Variants in CTNNA3 observed in about 807,000 individuals in gnomAD.
CTNNA3 encodes catenin alpha-3.
Under a neutral mutation model 95.7 loss-of-function variants are expected in CTNNA3, and 76 were observed. That is an observed-to-expected ratio of 0.79 (90% CI 0.66 to 0.96). CTNNA3 has a LOEUF of 0.96. CTNNA3 is among the 40% of genes least tolerant of loss of function. CTNNA3 has a pLI of 0.00. For missense variants in CTNNA3, 1,191 were observed against 1,089.8 expected, an observed-to-expected ratio of 1.09 and a Z score of -1.31; for synonymous variants, 431 against 374.4, an observed-to-expected ratio of 1.15 and a Z score of -1.74.
chr10:66,712,104 T>C (rs1589156384), intron 9 of CTNNA3, among the ~76,000 whole-genome samples: 2 of 151,992 alleles, frequency 1.3e-5, no homozygotes, highest in East Asian at 3.9e-4. Flanking sequence ...GCCAATGGAG[T>C]TGTTTATATC....
chr10:67,719,243 A>G (rs1294394879), intron 1 of CTNNA3, among the ~76,000 whole-genome samples: 1 of 151,894 alleles, frequency 6.6e-6, no homozygotes, highest in Non-Finnish European at 1.5e-5. Context: ...ATCTTTAAAA[A>G]AAAACAGTTC....
At chr10:67,398,536 T>G (rs1162744784) in intron 5 of CTNNA3, among the ~76,000 whole-genome samples, 1 of 152,182 alleles carries the variant, frequency 6.6e-6, no homozygotes, top group African/African-American at 2.4e-5. Context: ...CTTGTACTTT[T>G]GGGTTAATGC....
chr10:66,550,914 T>G (rs1842195881), intron 10 of CTNNA3, among the ~76,000 whole-genome samples: 1 of 152,132 alleles, frequency 6.6e-6, no homozygotes, highest in South Asian at 2.1e-4. Context: ...AACGTAGAAA[T>G]GCTGCTACTT....
intron 2 of CTNNA3, 47 bp from the exon 3 acceptor site, chr10:67,607,096 G>A (rs1214506850): frequency 3.5e-6 from 5 of 1,423,200 alleles, no homozygotes; most frequent in Non-Finnish European, 4.9e-6. Context: ...ATTGTAAGGA[G>A]AACACAGTCC....
At chr10:66,490,477 A>G (rs189553648) in intron 11 of CTNNA3, among the ~76,000 whole-genome samples, 155 of 152,348 alleles carry the variant, frequency 1.0e-3, no homozygotes, top group African/African-American at 3.5e-3. Flanking sequence ...CTATTTAAAG[A>G]TAGTGTAAGC....
intron 7 of CTNNA3, among the ~76,000 whole-genome samples, chr10:66,921,321 T>C (rs1404251931): frequency 6.6e-6 from 1 of 152,210 alleles, no homozygotes. Flanking sequence ...AATTGGGGTT[T>C]CAATATATGG....
chr10:67,698,411 G>A (rs908418914), upstream of CTNNA3, among the ~76,000 whole-genome samples: 8 of 152,296 alleles, frequency 5.3e-5, no homozygotes, highest in East Asian at 1.9e-4. Flanking sequence ...TGTGTTAGGC[G>A]CCAGCTAGAA....
intron 13 of CTNNA3, among the ~76,000 whole-genome samples, chr10:66,225,390 AATATATATATATATATAT>A (rs3053735): frequency 2.4e-5 from 3 of 125,980 alleles, no homozygotes; most frequent in South Asian, 2.6e-4. Context: ...ATTTTATTCA[AATATATATATATATATAT>A]ATATATATAT....
intron 13 of CTNNA3, among the ~76,000 whole-genome samples, chr10:66,138,718 G>T (rs922159010): frequency 1.3e-5 from 2 of 152,092 alleles, no homozygotes; most frequent in African/African-American, 4.8e-5. Flanking sequence ...AATCAGCCAG[G>T]TGTGGTGGCA....
At chr10:65,925,625 CG>C (rs1298899268) in intron 17 of CTNNA3, among the ~76,000 whole-genome samples, 1 of 151,990 alleles carries the variant, frequency 6.6e-6, no homozygotes, top group Non-Finnish European at 1.5e-5. Context: ...TTAGTAGAGA[CG>C]GGTTTTCACC....
chr10:66,891,243 A>C (rs933944443), intron 7 of CTNNA3, among the ~76,000 whole-genome samples: 11 of 152,184 alleles, frequency 7.2e-5, no homozygotes, highest in African/African-American at 2.7e-4. Flanking sequence ...TTTACATATT[A>C]AGGTGAATCA....
chr10:66,888,680 C>T (rs560128661), intron 7 of CTNNA3, among the ~76,000 whole-genome samples: 5 of 152,100 alleles, frequency 3.3e-5, no homozygotes, highest in Non-Finnish European at 5.9e-5. Context: ...TACCACTACA[C>T]ACCTATTAGA....
chr10:67,282,751 T>C (rs1839448528), intron 5 of CTNNA3, among the ~76,000 whole-genome samples: 1 of 152,196 alleles, frequency 6.6e-6, no homozygotes, highest in South Asian at 2.1e-4. Flanking sequence ...GACTACTGAC[T>C]TTCAAGATTG....
chr10:65,922,391 T>C (rs2077101601), intron 17 of CTNNA3, among the ~76,000 whole-genome samples: 1 of 152,178 alleles, frequency 6.6e-6, no homozygotes, highest in African/African-American at 2.4e-5. Context: ...TTCCAAGTTG[T>C]GTTTCTTTGG....
intron 1 of CTNNA3, among the ~76,000 whole-genome samples, chr10:67,712,879 G>A (rs959298218): frequency 6.6e-6 from 1 of 152,030 alleles, no homozygotes; most frequent in African/African-American, 2.4e-5. Context: ...CATGAGCAAA[G>A]ACCTCATGAC....
intron 1 of CTNNA3, among the ~76,000 whole-genome samples, chr10:67,722,442 T>C (rs547725950): frequency 7.9e-5 from 12 of 152,256 alleles, no homozygotes; most frequent in Non-Finnish European, 1.3e-4. Flanking sequence ...AACAGATATC[T>C]AAAGGCAATC....
chr10:66,942,705 C>G (rs1361153361), intron 7 of CTNNA3, among the ~76,000 whole-genome samples: 1 of 151,908 alleles, frequency 6.6e-6, no homozygotes, highest in Admixed American at 6.6e-5. Context: ...CATATCACAC[C>G]TTCCCATACT....
At chr10:66,513,302 G>T (rs1019478495) in intron 11 of CTNNA3, among the ~76,000 whole-genome samples, 7 of 152,086 alleles carry the variant, frequency 4.6e-5, no homozygotes, top group African/African-American at 1.7e-4. Flanking sequence ...AACTTGAGTA[G>T]GGTGCTTTGG....
At chr10:66,330,043 A>T (rs573568619) in intron 12 of CTNNA3, among the ~76,000 whole-genome samples, 1 of 152,082 alleles carries the variant, frequency 6.6e-6, no homozygotes, top group Non-Finnish European at 1.5e-5. Flanking sequence ...GTCAGTTGTG[A>T]AATATGAAAA....
Sources: gnomAD v4.1 joint callset for allele counts (sites outside exome capture counted in the v4.1 genomes callset) on GRCh38, gnomAD v4.1.1 for gene constraint, MANE v1.5 for transcripts, NCBI Gene and HGNC (gene_info 2026-07-23, HGNC 2026-07-21) for gene names.